Variants in STEAP2 observed in about 807,000 individuals in gnomAD.
STEAP2 encodes the protein metalloreductase STEAP2.
In STEAP2, 30 loss-of-function variants were observed where a neutral mutation model predicts 46.4. That is an observed-to-expected ratio of 0.65 (90% CI 0.48 to 0.88). The LOEUF (loss-of-function observed/expected upper bound fraction) is 0.88. STEAP2 is among the 40% of genes least tolerant of loss of function. The pLI is 0.00. For missense variants in STEAP2, 513 were observed against 579.3 expected (o/e 0.89, Z 1.18); for synonymous variants, 180 against 200.5 (o/e 0.90, Z 0.86).
Position 90,236,191 on chromosome 7 carries a change from C to G in STEAP2, c.*3567C>G. On this transcript the variant is annotated 3_prime_UTR_variant, in exon 6 of 6. Transcript: ENST00000394621. ...ATAATAAATTCTGTACAGTTTCCCC[C>G]CAAAAAAGAGATTTATTTATGAAAT... is the stretch of plus-strand genomic sequence containing the variant. 1 of 772,880 alleles carries G rather than the reference C, an allele frequency of 1.3e-6. No individual in the cohort carries two copies. The highest frequency in any genetic ancestry group is 1.6e-6 in the Non-Finnish European group (1 of 637,800). 47.9% of individuals were successfully genotyped at this position (772,880 alleles called of 1,614,324 possible). A position where few individuals can be genotyped will look rare whatever the true frequency, so the allele number is the denominator to read the frequency against.
chr7:90,215,652 C>T (rs1794982999), intron 1 of STEAP2: 1 of 152,218 alleles, frequency 6.6e-6, no homozygotes, highest in East Asian at 1.9e-4. Flanking sequence ...CAAGTATAAC[C>T]TATTTGTTTG....
rs1795956719 is a variant in STEAP2 at position 90,236,242 on chromosome 7, T to C, written c.*3618T>C. 2.3e-6 allele frequency: 2 copies of C among 872,404 alleles called. No homozygotes were observed. Among genetic ancestry groups the C allele is most frequent in the Non-Finnish European group, 2.7e-6 (2 of 727,628 alleles). 54.0% of individuals were successfully genotyped at this position (872,404 alleles called of 1,614,324 possible). ...ATTTAAAGTTTCTAATGTGGTATTT[T>C]AAATAAAGTATCATAAATGTAATAA... is the stretch of plus-strand genomic sequence containing the variant. On this transcript the variant is annotated 3_prime_UTR_variant, in exon 6 of 6. Coordinates refer to ENST00000394621, the MANE Select transcript of STEAP2 (RefSeq NM_001244944.2).
intron 2 of STEAP2, among the ~76,000 whole-genome samples, chr7:90,224,125 A>C (rs1367786911): frequency 6.6e-6 from 1 of 152,150 alleles, no homozygotes; most frequent in African/African-American, 2.4e-5. Flanking sequence ...GTGTTTTTCC[A>C]AAAAGTTCTG....
In STEAP2 at chr7:90,217,717, AAAAAAAAAAC is replaced by A. The variant is rs750930856; in HGVS notation, c.-34+1116_-34+1125del. Among the ~76,000 whole-genome samples, 606 of 147,620 alleles carry A rather than the reference AAAAAAAAAAC, an allele frequency of 4.1e-3. 1 individual carries two copies. The highest frequency in any genetic ancestry group is 0.014 in the East Asian group (54 of 3,874). On this transcript the variant is annotated intron_variant, in intron 2 of 5. Coordinates refer to ENST00000394621, the MANE Select transcript of STEAP2 (RefSeq NM_001244944.2). ...GTGAATAGTGCGCAAAAAAAAAAAA[AAAAAAAAAAC>A]ATGTGAGGACGGGTATCTCTTTGAT...
chr7:90,232,230 A>C (rs1584249803), intron 5 of STEAP2, 107 bp from the exon 6 acceptor site: 1 of 1,318,832 alleles, frequency 7.6e-7, no homozygotes, highest in South Asian at 2.3e-5. Flanking sequence ...TTAAGACAAA[A>C]TAGTTTTATC....
Position 90,233,132 on chromosome 7 carries a change from C to G in STEAP2, c.*508C>G, listed in dbSNP as rs1795828991. ...GCTGCATGATAGCATTCCTATATTT[C>G]TCTCATAAAATAGGATTTGAAGGAT... is the stretch of plus-strand genomic sequence containing the variant. On this transcript the variant is annotated 3_prime_UTR_variant, in exon 6 of 6. Transcript: ENST00000394621. The G allele has an allele frequency of 1.0e-6, 1 of 984,786 alleles. No homozygotes were observed. The highest frequency in any genetic ancestry group is 1.2e-6 in the Non-Finnish European group (1 of 829,548). The allele number at this position is 984,786 out of a possible 1,614,324, so 61.0% of individuals were successfully genotyped here. A position where few individuals can be genotyped will look rare whatever the true frequency, so the allele number is the denominator to read the frequency against.
rs1343316467 is a variant in STEAP2, at chr7:90,232,799, G to A, written c.*175G>A. On this transcript the variant is annotated 3_prime_UTR_variant, in exon 6 of 6. Transcript: ENST00000394621. Reference sequence around the variant, plus strand: ...TCAAGTTAATTTTCACAAATGTCATGTTTGCCAATATGAATTTTTCTAGTC... The same window carrying A: ...TCAAGTTAATTTTCACAAATGTCATATTTGCCAATATGAATTTTTCTAGTC... The A allele has an allele frequency of 3.1e-6, 4 of 1,307,716 alleles. No individual in the cohort carries two copies. The highest frequency in any genetic ancestry group is 3.0e-5 in the African/African-American group (2 of 67,586). 81.0% of individuals were successfully genotyped at this position (1,307,716 alleles called of 1,614,324 possible).
rs1235095726 is a variant in STEAP2, at chr7:90,237,056, G to C, written c.*4432G>C. On this transcript the variant is annotated 3_prime_UTR_variant, in exon 6 of 6. Transcript: ENST00000394621. ...CCAGTGAGATGAAGTCTCCTCAAAG[G>C]AAGGCAGCATGTGTCCTTTTTCATC... 8.1e-7 allele frequency: 1 copy of C among 1,234,802 alleles called. No homozygotes were observed. 76.5% of individuals were successfully genotyped at this position (1,234,802 alleles called of 1,614,324 possible).
Position 90,236,063 on chromosome 7 carries a change from T to G in STEAP2, c.*3439T>G. 1 of 742,320 alleles carries G rather than the reference T, an allele frequency of 1.3e-6. No homozygotes were observed. The highest frequency in any genetic ancestry group is 1.6e-6 in the Non-Finnish European group (1 of 608,678). The allele number at this position is 742,320 out of a possible 1,614,324, so 46.0% of individuals were successfully genotyped here. A position where few individuals can be genotyped will look rare whatever the true frequency, so the allele number is the denominator to read the frequency against. ...ACAATCAAATTATAGAAATTACTTG[T>G]GTAAAAGGGCTTCAAGAATATATCC... On this transcript the variant is annotated 3_prime_UTR_variant, in exon 6 of 6. Coordinates refer to ENST00000394621, the MANE Select transcript of STEAP2 (RefSeq NM_001244944.2).
chr7:90,225,655 C>A (rs1318129942), intron 3 of STEAP2, 81 bp downstream of exon 3: 28 of 1,367,260 alleles, frequency 2.0e-5, no homozygotes, highest in Non-Finnish European at 2.7e-5. Context: ...ATTTTAATAC[C>A]AAACTCTGAC....
chr7:90,233,021 G>A lies in STEAP2; in HGVS notation c.*397G>A, dbSNP rs906691497. Reference sequence around the variant, plus strand: ...ATATACATTTTTTTCTGAAGATTAAGATTTTAATTATTCAACTTAAAAAGT... The same window carrying A: ...ATATACATTTTTTTCTGAAGATTAAAATTTTAATTATTCAACTTAAAAAGT... On this transcript the variant is annotated 3_prime_UTR_variant, in exon 6 of 6. Coordinates refer to ENST00000394621, the MANE Select transcript of STEAP2 (RefSeq NM_001244944.2). The A allele has an allele frequency of 1.0e-6, 1 of 965,428 alleles. No individual in the cohort carries two copies. The highest frequency in any genetic ancestry group is 1.2e-6 in the Non-Finnish European group (1 of 811,696). 59.8% of individuals were successfully genotyped at this position (965,428 alleles called of 1,614,324 possible).
intron 2 of STEAP2, among the ~76,000 whole-genome samples, chr7:90,222,343 G>T (rs194515): frequency 0.89 from 136,129 of 152,106 alleles, 61,148 homozygotes; most frequent in East Asian, 1. Flanking sequence ...CCAGGATCGG[G>T]TGCTCCTAGG....
Position 90,225,365 on chromosome 7 carries a change from A to C in STEAP2, c.283A>C (p.Arg95=), listed in dbSNP as rs1795440884. 1 of 1,613,760 alleles carries C rather than the reference A, an allele frequency of 6.2e-7. No homozygotes were observed. Among genetic ancestry groups the C allele is most frequent in the East Asian group, 2.2e-5 (1 of 44,878 alleles). Residue 95 remains arginine (R), a synonymous_variant, in exon 3 of 6, where the codon AGA becomes CGA. Transcript: ENST00000394621. ...KTNIIFVAIH[R]EHYTSLWDLR... is the part of the protein sequence containing the mutation. ...AAATATAATATTTGTTGCTATACAC[A>C]GAGAACATTATACCTCCCTGTGGGA...
Position 90,233,509 on chromosome 7 carries a change from T to C in STEAP2, c.*885T>C. 1.0e-6 allele frequency: 1 copy of C among 985,450 alleles called. No homozygotes were observed. Among genetic ancestry groups the C allele is most frequent in the Non-Finnish European group, 1.2e-6 (1 of 829,920 alleles). The allele number at this position is 985,450 out of a possible 1,614,324, so 61.0% of individuals were successfully genotyped here. A position where few individuals can be genotyped will look rare whatever the true frequency, so the allele number is the denominator to read the frequency against. On this transcript the variant is annotated 3_prime_UTR_variant, in exon 6 of 6. Coordinates refer to ENST00000394621, the MANE Select transcript of STEAP2 (RefSeq NM_001244944.2). Reference sequence around the variant, plus strand: ...CACCTTAACCAGTCACCACTTGCTATGGTATAGGATTATACTGATGTTCTT... The same window carrying C: ...CACCTTAACCAGTCACCACTTGCTACGGTATAGGATTATACTGATGTTCTT...
rs1795935543 is a variant in STEAP2 at position 90,235,562 on chromosome 7, T to C, written c.*2938T>C. 1.0e-6 allele frequency: 1 copy of C among 984,904 alleles called. No homozygotes were observed. The highest frequency in any genetic ancestry group is 1.8e-5 in the African/African-American group (1 of 57,090). The allele number at this position is 984,904 out of a possible 1,614,324, so 61.0% of individuals were successfully genotyped here. A position where few individuals can be genotyped will look rare whatever the true frequency, so the allele number is the denominator to read the frequency against. ...GCTACCTGGTCTGTGTTTTGAGAAG[T>C]GCCCCTTAGAAAGTTAAAAGAATGT... is the stretch of plus-strand genomic sequence containing the variant. On this transcript the variant is annotated 3_prime_UTR_variant, in exon 6 of 6. Coordinates refer to ENST00000394621, the MANE Select transcript of STEAP2 (RefSeq NM_001244944.2).
At chr7:90,215,094 T>C (rs1450660234) in intron 1 of STEAP2, among the ~76,000 whole-genome samples, 1 of 152,110 alleles carries the variant, frequency 6.6e-6, no homozygotes, top group Non-Finnish European at 1.5e-5. Flanking sequence ...TATGGTGAAG[T>C]ACCATGAGCT....
chr7:90,227,899 A>G (rs2116316748), intron 4 of STEAP2, among the ~76,000 whole-genome samples: 1 of 152,306 alleles, frequency 6.6e-6, no homozygotes, highest in East Asian at 1.9e-4. Context: ...AAAATACAAA[A>G]CAGAACAGGA....
downstream of STEAP2, among the ~76,000 whole-genome samples, chr7:90,238,334 C>G (rs1796017051): frequency 6.6e-6 from 1 of 152,216 alleles, no homozygotes; most frequent in African/African-American, 2.4e-5. Flanking sequence ...ATACAGGACT[C>G]TCAGTTAAAT....
downstream of STEAP2, among the ~76,000 whole-genome samples, chr7:90,240,871 CT>C (rs1271427197): frequency 6.6e-6 from 1 of 152,152 alleles, no homozygotes; most frequent in Non-Finnish European, 1.5e-5. This position sits in a 1 kb window ranked among gnomAD's most constrained non-coding sequence, Gnocchi z 4.1. Flanking sequence ...TGCTATTTAT[CT>C]TTTTGCTGAA....
Sources: gnomAD v4.1 joint callset for allele counts (sites outside exome capture counted in the v4.1 genomes callset) on GRCh38, gnomAD v4.1.1 for gene constraint, Gnocchi (gnomAD v3.1) non-coding constraint, MANE v1.5 for transcripts, NCBI Gene and HGNC (gene_info 2026-07-23, HGNC 2026-07-21) for gene names.